The following NRXN1 variants were observed in gnomAD, a reference collection of about 807,000 sequenced individuals.
NRXN1 encodes the protein neurexin 1, also known as neurexin-1.
NRXN1 carries 39 observed loss-of-function variants against 150.9 expected under a neutral mutation model. The ratio of observed to expected loss-of-function variants is 0.26; its 90% CI spans 0.20 to 0.34. The LOEUF (loss-of-function observed/expected upper bound fraction) is 0.34. Among genes scored for constraint, NRXN1 ranks in the 10% least tolerant of loss-of-function variants. The pLI, the probability that NRXN1 is intolerant of heterozygous loss-of-function variation, is 1.00. For synonymous variants in NRXN1, 924 were observed against 757.0 expected (o/e 1.22, Z -3.62); for missense variants, 1,815 against 1,949.9 (o/e 0.93, Z 1.30).
intron 8 of NRXN1, among the ~76,000 whole-genome samples, chr2:50,560,522 G>A (rs1308431006): frequency 3.3e-5 from 5 of 151,888 alleles, no homozygotes; most frequent in Admixed American, 3.3e-4. Flanking sequence ...AACCTCTGCT[G>A]CCCAGGTACA....
At chr2:50,806,750 A>T (rs1667566057) in intron 5 of NRXN1, among the ~76,000 whole-genome samples, 1 of 151,990 alleles carries the variant, frequency 6.6e-6, no homozygotes, top group South Asian at 2.1e-4. Context: ...TCTCTCTCTT[A>T]TTGAGCTACC....
intron 17 of NRXN1, among the ~76,000 whole-genome samples, chr2:50,354,038 C>T (rs2078611869): frequency 6.6e-6 from 1 of 152,140 alleles, no homozygotes; most frequent in Admixed American, 6.5e-5. Flanking sequence ...GGAGAGCTTT[C>T]TCATTAAGCT....
chr2:50,530,435 G>T (rs990349948), intron 11 of NRXN1, among the ~76,000 whole-genome samples: 56 of 152,182 alleles, frequency 3.7e-4, no homozygotes, highest in Admixed American at 1.1e-3. Context: ...TTATGTTTTT[G>T]AGTATAATTT....
intron 5 of NRXN1, among the ~76,000 whole-genome samples, chr2:50,627,912 T>C (rs1309730432): frequency 6.6e-6 from 1 of 151,448 alleles, no homozygotes; most frequent in Non-Finnish European, 1.5e-5. Flanking sequence ...TATAGCATTG[T>C]GAAAGAAAGA....
intron 18 of NRXN1, among the ~76,000 whole-genome samples, chr2:50,092,806 C>G (rs186152283): frequency 6.6e-6 from 1 of 152,084 alleles, no homozygotes; most frequent in East Asian, 1.9e-4. Context: ...GTTTTCTTCC[C>G]CCTGGGTTCT....
chr2:50,664,440 G>GTGTGTGT (rs1355580575), intron 5 of NRXN1, among the ~76,000 whole-genome samples: 17 of 118,390 alleles, frequency 1.4e-4, no homozygotes, highest in African/African-American at 5.2e-4. Flanking sequence ...TGTGTGTGTG[G>GTGTGTGT]CGTGGCGGGG....
At chr2:50,988,832 T>C (rs1698109971) in intron 2 of NRXN1, among the ~76,000 whole-genome samples, 3 of 151,956 alleles carry the variant, frequency 2.0e-5, no homozygotes, top group Admixed American at 1.3e-4. Context: ...TGCCTAAAAC[T>C]TCAGTTTTCC....
rs182918458 is a variant in NRXN1 at position 50,361,442 on chromosome 2, T to C, written c.3364+104000A>G. Among the ~76,000 whole-genome samples, 89 of 152,148 alleles carry C rather than the reference T, an allele frequency of 5.8e-4. 1 individual carries two copies. The East Asian group carries it at 0.014, about 24-fold the overall frequency. On this transcript the variant is annotated intron_variant, in intron 17 of 22. Transcript: ENST00000401669. ...ATGATAAAGGGGATATCACCACTGA[T>C]CCCACAGATATACAAACTACCATCA...
At chr2:50,585,943 A>G (rs1187365453) in intron 8 of NRXN1, among the ~76,000 whole-genome samples, 3 of 152,216 alleles carry the variant, frequency 2.0e-5, no homozygotes, top group Admixed American at 2.0e-4. Context: ...CTGGTAGGCA[A>G]CAACCATTTC....
At chr2:50,225,566 G>A (rs989965375) in intron 18 of NRXN1, among the ~76,000 whole-genome samples, 12 of 151,842 alleles carry the variant, frequency 7.9e-5, no homozygotes, top group Non-Finnish European at 7.4e-5. Context: ...ACAAAGGAAG[G>A]TTTCACAAAT....
At chr2:50,059,852 G>A (rs898963525) in intron 19 of NRXN1, among the ~76,000 whole-genome samples, 1 of 152,192 alleles carries the variant, frequency 6.6e-6, no homozygotes, top group African/African-American at 2.4e-5. Context: ...ATTGAGGTTT[G>A]GAAACCTCTA....
At chr2:51,026,331 A>C (rs200113509) in intron 2 of NRXN1, 10 of 1,295,368 alleles carry the variant, frequency 7.7e-6, no homozygotes, top group Non-Finnish European at 1.1e-5. Context: ...GACATCTCCT[A>C]CTTAGCCACT....
At chr2:50,255,472 T>G (rs1320999423) in intron 17 of NRXN1, among the ~76,000 whole-genome samples, 1 of 152,132 alleles carries the variant, frequency 6.6e-6, no homozygotes, top group Non-Finnish European at 1.5e-5. Context: ...CTTTTGTATT[T>G]GGTTCAAAAA....
intron 18 of NRXN1, among the ~76,000 whole-genome samples, chr2:50,104,312 AC>A (rs1383140612): frequency 6.6e-6 from 1 of 152,088 alleles, no homozygotes; most frequent in Non-Finnish European, 1.5e-5. Context: ...CAAGAAATAT[AC>A]TGTTGTGATC....
At chr2:50,546,562 TATATAAA>T (rs1486382436) in intron 9 of NRXN1, among the ~76,000 whole-genome samples, 1 of 152,130 alleles carries the variant, frequency 6.6e-6, no homozygotes, top group Non-Finnish European at 1.5e-5. Context: ...TAACTGCAAC[TATATAAA>T]ATATATATAA....
chr2:50,423,468 G>A (rs2104283427), intron 17 of NRXN1, among the ~76,000 whole-genome samples: 1 of 151,878 alleles, frequency 6.6e-6, no homozygotes, highest in Middle Eastern at 3.4e-3. Flanking sequence ...TCTATCTTTA[G>A]CAAACACAAA....
rs1670597179 is a variant in NRXN1 at position 50,571,082 on chromosome 2, G to GA, written c.1321-18058dup. On this transcript the variant is annotated intron_variant, in intron 8 of 22. Coordinates refer to ENST00000401669, the MANE Select transcript of NRXN1 (RefSeq NM_001330078.2). Reference sequence around the variant, plus strand: ...CCAAATCAGAATGCCTACACTGGAGGAAAAAATCAGTTTTTACTGGCCATG... The same window carrying GA: ...CCAAATCAGAATGCCTACACTGGAGGAAAAAAATCAGTTTTTACTGGCCATG... 1.3e-5 allele frequency among the ~76,000 whole-genome samples: 2 copies of GA among 152,108 alleles called. 1 individual carries two copies. Among genetic ancestry groups the GA allele is most frequent in the South Asian group, 4.1e-4 (2 of 4,830 alleles).
chr2:50,483,788 G>C (rs894061759), intron 15 of NRXN1, among the ~76,000 whole-genome samples: 2 of 152,200 alleles, frequency 1.3e-5, no homozygotes, highest in East Asian at 1.9e-4. Context: ...AGAATAGATA[G>C]AGGAGTTTAG....
At chr2:50,054,895 G>A (rs1693366598) in intron 20 of NRXN1, 60 bp downstream of exon 20, 2 of 1,075,548 alleles carry the variant, frequency 1.9e-6, no homozygotes, top group Non-Finnish European at 2.6e-6. Flanking sequence ...TTACAATGAA[G>A]TACTACTTGG....
Sources: allele counts gnomAD v4.1 joint callset (sites outside exome capture counted in the v4.1 genomes callset), GRCh38; gene constraint gnomAD v4.1.1; transcripts MANE v1.5; gene names NCBI Gene and HGNC (gene_info 2026-07-23, HGNC 2026-07-21).